DLGAP2: variants seen among roughly 807,000 people sequenced by gnomAD.
DLGAP2 encodes the protein DLG associated protein 2, also known as disks large-associated protein 2.
A neutral mutation model predicts 100.3 loss-of-function variants in DLGAP2; 26 were observed. That is an observed-to-expected ratio of 0.26 (90% CI 0.19 to 0.36). DLGAP2 has a LOEUF of 0.36. Among genes scored for constraint, DLGAP2 ranks in the 10% least tolerant of loss-of-function variants. The pLI, the probability that DLGAP2 is intolerant of heterozygous loss-of-function variation, is 1.00. For missense variants in DLGAP2, 1,858 were observed against 1,453.2 expected, an observed-to-expected ratio of 1.28 and a Z score of -4.53; for synonymous variants, 886 against 630.1, an observed-to-expected ratio of 1.41 and a Z score of -6.08.
At chr8:940,930 G>A (rs966843260) in intron 2 of DLGAP2, among the ~76,000 whole-genome samples, 1 of 152,126 alleles carries the variant, frequency 6.6e-6, no homozygotes, top group Non-Finnish European at 1.5e-5. Context: ...CCCCCAGAGC[G>A]GGCGTAGGGT....
chr8:1,074,035 CATATTCA>C, intron 2 of DLGAP2, among the ~76,000 whole-genome samples: 1 of 144,254 alleles, frequency 6.9e-6, no homozygotes, highest in East Asian at 2.0e-4. Flanking sequence ...CACCCAGGTA[CATATTCA>C]GGATTCACTG....
intron 2 of DLGAP2, among the ~76,000 whole-genome samples, chr8:1,151,251 C>G (rs1186017494): frequency 6.6e-6 from 1 of 152,092 alleles, no homozygotes; most frequent in African/African-American, 2.4e-5. Context: ...AAGATAGATT[C>G]ATAGGAGAAA....
At chr8:1,219,917 T>A (rs1798284367) in intron 2 of DLGAP2, among the ~76,000 whole-genome samples, 1 of 152,094 alleles carries the variant, frequency 6.6e-6, no homozygotes, top group African/African-American at 2.4e-5. Flanking sequence ...TTAGTAATAG[T>A]CTCTGGGAGC....
Position 907,211 on chromosome 8 carries a change from C to T in DLGAP2, c.19-701C>T, listed in dbSNP as rs559656783. ...GGTTGAGGAATGGCTGCAAGTTCAT[C>T]GTGTGGAGTATTTAGGATAAAAGTT... On this transcript the variant is annotated intron_variant, in intron 1 of 14. Transcript: ENST00000637795. Among the ~76,000 whole-genome samples, 22 of 152,296 alleles carry T rather than the reference C, an allele frequency of 1.4e-4. No homozygotes were observed. In the South Asian group the frequency reaches 2.1e-3, roughly 14 times the overall value.
chr8:1,595,947 G>A (rs1796445978), intron 6 of DLGAP2, among the ~76,000 whole-genome samples: 1 of 151,586 alleles, frequency 6.6e-6, no homozygotes, highest in African/African-American at 2.4e-5. Context: ...ATGTATACAT[G>A]TGCCATGTTG....
intron 2 of DLGAP2, among the ~76,000 whole-genome samples, chr8:955,945 T>C (rs1324774975): frequency 1.3e-5 from 2 of 152,154 alleles, no homozygotes; most frequent in Non-Finnish European, 2.9e-5. Flanking sequence ...CCGCCCAGAT[T>C]GAAGTCTTGG....
At chr8:1,390,216 A>G (rs1796318431) in intron 3 of DLGAP2, among the ~76,000 whole-genome samples, 1 of 152,264 alleles carries the variant, frequency 6.6e-6, no homozygotes, top group Non-Finnish European at 1.5e-5. Flanking sequence ...TGCCATAGTA[A>G]TCATGTTGGT....
intron 6 of DLGAP2, among the ~76,000 whole-genome samples, chr8:1,607,296 A>C (rs969852077): frequency 6.6e-6 from 1 of 152,178 alleles, no homozygotes. Flanking sequence ...CAGATTTTTC[A>C]TCTATCTTAA....
intron 3 of DLGAP2, among the ~76,000 whole-genome samples, chr8:1,412,472 TGAA>T (rs1326415839): frequency 3.9e-5 from 6 of 152,246 alleles, no homozygotes; most frequent in Non-Finnish European, 8.8e-5. Context: ...AATTCAGTGC[TGAA>T]ATATCCCACT....
intron 2 of DLGAP2, among the ~76,000 whole-genome samples, chr8:1,068,744 C>G (rs1054782372): frequency 2.7e-5 from 4 of 148,830 alleles, no homozygotes; most frequent in Admixed American, 2.6e-4. Flanking sequence ...CATGTGGGTC[C>G]GGGATATGCC....
intron 2 of DLGAP2, among the ~76,000 whole-genome samples, chr8:1,152,727 G>A (rs1203251973): frequency 6.6e-6 from 1 of 152,174 alleles, no homozygotes; most frequent in Admixed American, 6.5e-5. Context: ...AAACATGCTT[G>A]CTTAGAATCA....
intron 1 of DLGAP2, among the ~76,000 whole-genome samples, chr8:897,446 A>C (rs1393539914): frequency 2.6e-5 from 4 of 152,212 alleles, no homozygotes; most frequent in African/African-American, 9.6e-5. Flanking sequence ...TTTTTTCTTA[A>C]GGACATTTCA....
chr8:808,636 G>A (rs886280782), intron 1 of DLGAP2, among the ~76,000 whole-genome samples: 1 of 152,154 alleles, frequency 6.6e-6, no homozygotes, highest in Non-Finnish European at 1.5e-5. Flanking sequence ...GGCGGCCGCT[G>A]TCCGAGCTCC....
chr8:766,806 C>G (rs927465707), intron 1 of DLGAP2, among the ~76,000 whole-genome samples: 1 of 152,222 alleles, frequency 6.6e-6, no homozygotes, highest in African/African-American at 2.4e-5. Context: ...GACACTGTGT[C>G]CATCCTGAGG....
chr8:1,354,342 C>T (rs1801800615), intron 3 of DLGAP2, among the ~76,000 whole-genome samples: 1 of 152,104 alleles, frequency 6.6e-6, no homozygotes, highest in Non-Finnish European at 1.5e-5. Flanking sequence ...CCCATCTCTT[C>T]TAAAAATACA....
At chr8:1,388,016 C>T (rs1796258168) in intron 3 of DLGAP2, among the ~76,000 whole-genome samples, 1 of 152,236 alleles carries the variant, frequency 6.6e-6, no homozygotes, top group East Asian at 1.9e-4. Flanking sequence ...GCTGGAGACT[C>T]ACTGGCCAGA....
intron 1 of DLGAP2, among the ~76,000 whole-genome samples, chr8:771,790 T>C (rs955113738): frequency 2.0e-5 from 3 of 152,242 alleles, no homozygotes; most frequent in South Asian, 4.1e-4. Context: ...ACACTAACCA[T>C]AAAAATTGAA....
chr8:819,334 A>G (rs1244883030), intron 1 of DLGAP2, among the ~76,000 whole-genome samples: 2 of 152,234 alleles, frequency 1.3e-5, no homozygotes, highest in African/African-American at 4.8e-5. Flanking sequence ...TCTGTGATAG[A>G]AATTCTAAGT....
intron 2 of DLGAP2, among the ~76,000 whole-genome samples, chr8:1,050,742 C>T (rs554508922): frequency 6.6e-6 from 1 of 152,280 alleles, no homozygotes; most frequent in African/African-American, 2.4e-5. Flanking sequence ...CCTTAAACTG[C>T]CTGGCTGTTT....
Sources: allele counts gnomAD v4.1 joint callset (sites outside exome capture counted in the v4.1 genomes callset), GRCh38; gene constraint gnomAD v4.1.1; transcripts MANE v1.5; gene names NCBI Gene and HGNC (gene_info 2026-07-23, HGNC 2026-07-21).